RPH3A: variants seen among roughly 807,000 people sequenced by gnomAD.
RPH3A encodes rabphilin 3A.
Under a neutral mutation model 102.2 loss-of-function variants are expected in RPH3A, and 48 were observed. That is an observed-to-expected ratio of 0.47 (90% confidence interval 0.37 to 0.60). RPH3A has a LOEUF of 0.60. RPH3A is among the 20% of genes least tolerant of loss of function. The pLI, the probability that RPH3A is intolerant of heterozygous loss-of-function variation, is 0.00. For missense variants in RPH3A, 781 were observed against 910.1 expected (o/e 0.86, Z 1.83); for synonymous variants, 310 against 324.3 (o/e 0.96, Z 0.47).
intron 1 of RPH3A, among the ~76,000 whole-genome samples, chr12:112,718,544 C>G (rs1054390280): frequency 6.6e-6 from 1 of 152,166 alleles, no homozygotes; most frequent in Non-Finnish European, 1.5e-5. Context: ...CACTCTTTCT[C>G]CCCAGGAGGA....
chr12:112,886,208 A>C (rs1298341913), intron 16 of RPH3A, among the ~76,000 whole-genome samples: 1 of 152,088 alleles, frequency 6.6e-6, no homozygotes, highest in Non-Finnish European at 1.5e-5. Context: ...CTTGCAGGAC[A>C]ATAAGCCCTT....
chr12:112,869,671 A>C, intron 8 of RPH3A, 88 bp from the exon 9 acceptor site: 1 of 1,244,122 alleles, frequency 8.0e-7, no homozygotes, highest in South Asian at 1.3e-5. Flanking sequence ...GGCAATAGTC[A>C]ATGAACCCCT....
intron 1 of RPH3A, among the ~76,000 whole-genome samples, chr12:112,593,138 A>C (rs2039491213): frequency 6.6e-6 from 1 of 152,208 alleles, no homozygotes; most frequent in Non-Finnish European, 1.5e-5. Context: ...AAGAGACACC[A>C]GAGAGCTTGC....
chr12:112,849,790 A>C (rs1381950442), intron 5 of RPH3A, among the ~76,000 whole-genome samples: 1 of 152,212 alleles, frequency 6.6e-6, no homozygotes, highest in East Asian at 1.9e-4. Context: ...GCCTGTGGCC[A>C]AGAGGCTTGG....
chr12:112,708,797 G>A (rs1016768568), intron 1 of RPH3A, among the ~76,000 whole-genome samples: 6 of 152,158 alleles, frequency 3.9e-5, no homozygotes, highest in Admixed American at 2.0e-4. Context: ...AAGGTACCAG[G>A]TGAAAGGGAT....
Position 112,895,618 on chromosome 12 carries a change from A to T in RPH3A, c.1858-159A>T, listed in dbSNP as rs182860041. 116 of 578,738 alleles carry T rather than the reference A, an allele frequency of 2.0e-4. 1 individual carries two copies. In the East Asian group the frequency reaches 3.0e-3, roughly 15 times the overall value. 35.9% of individuals were successfully genotyped at this position (578,738 alleles called of 1,614,324 possible). A position where few individuals can be genotyped will look rare whatever the true frequency, so the allele number is the denominator to read the frequency against. On this transcript the variant is annotated intron_variant, in intron 20 of 21. Transcript: ENST00000389385. Reference sequence around the variant, plus strand: ...GTGTTTGTTGGAAGGGGATCACGGGACCTGGGGCAGAGGATCGGCACGGGA... The same window carrying T: ...GTGTTTGTTGGAAGGGGATCACGGGTCCTGGGGCAGAGGATCGGCACGGGA...
chr12:112,640,419 T>TCTAATAA (rs2039880846), intron 1 of RPH3A, among the ~76,000 whole-genome samples: 1 of 138,674 alleles, frequency 7.2e-6, no homozygotes, highest in African/African-American at 2.7e-5. Context: ...CTACACAGTC[T>TCTAATAA]CTAATAACTA....
At chr12:112,600,532 A>G (rs1192385870) in intron 1 of RPH3A, among the ~76,000 whole-genome samples, 1 of 152,182 alleles carries the variant, frequency 6.6e-6, no homozygotes, top group Non-Finnish European at 1.5e-5. Context: ...CTGTTTCCTC[A>G]ACCGTAAAAT....
intron 1 of RPH3A, among the ~76,000 whole-genome samples, chr12:112,591,153 T>A (rs1207941764): frequency 6.6e-6 from 1 of 150,834 alleles, no homozygotes; most frequent in African/African-American, 2.4e-5. Context: ...GGTCTTGCTG[T>A]GTTGCCCAGG....
chr12:112,879,568 C>A (rs573638224), intron 14 of RPH3A, among the ~76,000 whole-genome samples: 1 of 152,340 alleles, frequency 6.6e-6, no homozygotes, highest in East Asian at 1.9e-4. Context: ...ATGGTCCCAT[C>A]CCTGTGTCTG....
At chr12:112,724,045 T>G (rs1256081922) in intron 1 of RPH3A, among the ~76,000 whole-genome samples, 2 of 147,824 alleles carry the variant, frequency 1.4e-5, no homozygotes, top group Non-Finnish European at 3.0e-5. Context: ...TTTCTTAAAT[T>G]TTTTTGATTT....
intron 1 of RPH3A, among the ~76,000 whole-genome samples, chr12:112,750,218 G>T (rs1362261291): frequency 6.6e-6 from 1 of 152,190 alleles, no homozygotes; most frequent in African/African-American, 2.4e-5. Context: ...AGTGGACTTT[G>T]TAGTTGTCTC....
chr12:112,705,092 G>A (rs2040419675), intron 1 of RPH3A, among the ~76,000 whole-genome samples: 1 of 152,150 alleles, frequency 6.6e-6, no homozygotes, highest in South Asian at 2.1e-4. Flanking sequence ...TACCATGGGA[G>A]TTCTTCTTGA....
chr12:112,883,049 AAGG>A (rs1394914925), intron 15 of RPH3A, among the ~76,000 whole-genome samples: 1 of 152,130 alleles, frequency 6.6e-6, no homozygotes, highest in Non-Finnish European at 1.5e-5. Flanking sequence ...GGGAAAGTTC[AAGG>A]AGGAGGCTTA....
intron 1 of RPH3A, among the ~76,000 whole-genome samples, chr12:112,676,205 G>A (rs192330725): frequency 6.2e-4 from 94 of 152,220 alleles, no homozygotes; most frequent in African/African-American, 2.1e-3. Context: ...AGGCAACACC[G>A]AGAGGAGGGA....
At chr12:112,687,432 A>G (rs1429413845) in intron 1 of RPH3A, among the ~76,000 whole-genome samples, 1 of 152,064 alleles carries the variant, frequency 6.6e-6, no homozygotes, top group East Asian at 1.9e-4. Flanking sequence ...GAAGTCAAAG[A>G]TTTTCCCAAA....
At chr12:112,776,955 T>C (rs988551274) in intron 1 of RPH3A, among the ~76,000 whole-genome samples, 2 of 147,872 alleles carry the variant, frequency 1.4e-5, no homozygotes, top group African/African-American at 5.0e-5. Context: ...AGCACTCTAT[T>C]GGCCAAAGGA....
intron 1 of RPH3A, among the ~76,000 whole-genome samples, chr12:112,778,917 T>G (rs1051585243): frequency 1.3e-5 from 2 of 152,144 alleles, no homozygotes; most frequent in African/African-American, 4.8e-5. Context: ...ATGTGCTAAC[T>G]CCTGGAGTAT....
At chr12:112,712,952 TTCTTCTTCTTCTTTC>T (rs1161730495) in intron 1 of RPH3A, among the ~76,000 whole-genome samples, 3 of 108,762 alleles carry the variant, frequency 2.8e-5, no homozygotes, top group Non-Finnish European at 6.1e-5. Flanking sequence ...CTTCTTCTTC[TTCTTCTTCTTCTTTC>T]TTCTTCTTTC....
Sources: gnomAD v4.1 joint callset for allele counts (sites outside exome capture counted in the v4.1 genomes callset) on GRCh38, gnomAD v4.1.1 for gene constraint, MANE v1.5 for transcripts, NCBI Gene and HGNC (gene_info 2026-07-23, HGNC 2026-07-21) for gene names.